DLGAP1: variants seen among roughly 807,000 people sequenced by gnomAD.
DLGAP1 encodes the protein DLG associated protein 1.
In DLGAP1, 11 loss-of-function variants were observed where a neutral mutation model predicts 90.8. That is an observed-to-expected ratio of 0.12 (90% CI 0.08 to 0.20). DLGAP1 has a LOEUF of 0.20. Ranked by LOEUF, DLGAP1 falls within the 10% of genes least tolerant of loss-of-function variation. The pLI is 1.00. For missense variants in DLGAP1, 1,050 were observed against 1,333.8 expected (o/e 0.79, Z 3.31); for synonymous variants, 558 against 540.7 (o/e 1.03, Z -0.44).
intron 3 of DLGAP1, among the ~76,000 whole-genome samples, chr18:3,936,873 T>C (rs2148939693): frequency 6.6e-6 from 1 of 152,034 alleles, no homozygotes; most frequent in Admixed American, 6.5e-5. Context: ...AATCAGGAGG[T>C]TGAAATCCAA....
At chr18:3,594,269 G>C (rs1195480372) in intron 7 of DLGAP1, 1 of 152,138 alleles carries the variant, frequency 6.6e-6, no homozygotes, top group South Asian at 2.1e-4. Flanking sequence ...ACTTATAAAA[G>C]GGCAAGTGGC....
At chr18:4,142,776 A>T (rs558699353) in intron 2 of DLGAP1, among the ~76,000 whole-genome samples, 2 of 152,184 alleles carry the variant, frequency 1.3e-5, no homozygotes, top group African/African-American at 4.8e-5. Flanking sequence ...GAGTATTATG[A>T]TCTAAGTTTT....
At chr18:4,033,577 C>A (rs1269971017) in intron 2 of DLGAP1, among the ~76,000 whole-genome samples, 1 of 152,044 alleles carries the variant, frequency 6.6e-6, no homozygotes, top group Non-Finnish European at 1.5e-5. Context: ...AATGGCTCAC[C>A]ACATTTACAT....
At chr18:3,614,944 T>TG in intron 7 of DLGAP1, among the ~76,000 whole-genome samples, 1 of 152,084 alleles carries the variant, frequency 6.6e-6, no homozygotes, top group East Asian at 1.9e-4. Flanking sequence ...ATTTTTGAGA[T>TG]GGAGTCTCAC....
At chr18:3,857,977 T>G (rs2069754200) in intron 4 of DLGAP1, among the ~76,000 whole-genome samples, 1 of 152,102 alleles carries the variant, frequency 6.6e-6, no homozygotes, top group Admixed American at 6.5e-5. Flanking sequence ...TCAATCCTAT[T>G]CCAAACACAA....
rs1015011908 is a variant in DLGAP1 at position 3,498,989 on chromosome 18, G to A, written c.*196C>T. The stretch of plus-strand genomic sequence containing the variant: ...GCGAAGCTCGGTGAAGAAGGAGATG[G>A]GCAAACGGGTACGGGAAGTGGGGGG... On this transcript the variant is annotated 3_prime_UTR_variant, in exon 13 of 13. Coordinates refer to ENST00000315677, the MANE Select transcript of DLGAP1 (RefSeq NM_004746.4). The A allele has an allele frequency of 5.3e-6, 3 of 568,830 alleles. No individual in the cohort carries two copies. Among genetic ancestry groups the A allele is most frequent in the Non-Finnish European group, 6.1e-6 (2 of 326,424 alleles). The allele number at this position is 568,830 out of a possible 1,614,324, so 35.2% of individuals were successfully genotyped here.
intron 2 of DLGAP1, among the ~76,000 whole-genome samples, chr18:4,058,710 C>T (rs2143241810): frequency 6.6e-6 from 1 of 152,262 alleles, no homozygotes; most frequent in African/African-American, 2.4e-5. Context: ...TTGTTTTCTC[C>T]CACTTCCTCC....
chr18:4,093,795 T>C (rs1010496591), intron 2 of DLGAP1, among the ~76,000 whole-genome samples: 4 of 152,148 alleles, frequency 2.6e-5, no homozygotes, highest in Admixed American at 2.6e-4. Flanking sequence ...TGTTTTTATC[T>C]CTCTTGGTCT....
intron 1 of DLGAP1, among the ~76,000 whole-genome samples, chr18:4,310,299 CATT>C (rs1477995412): frequency 2.0e-5 from 3 of 152,020 alleles, no homozygotes; most frequent in Non-Finnish European, 2.9e-5. Context: ...TTACTGTTAA[CATT>C]AGTCAGCTTG....
At chr18:3,915,725 T>G (rs1013345453) in intron 3 of DLGAP1, among the ~76,000 whole-genome samples, 5 of 152,190 alleles carry the variant, frequency 3.3e-5, no homozygotes, top group East Asian at 3.8e-4. Flanking sequence ...TACATTTGGA[T>G]GCAAAATTTC....
At chr18:3,547,078 G>A (rs1280641636) in intron 9 of DLGAP1, among the ~76,000 whole-genome samples, 1 of 152,002 alleles carries the variant, frequency 6.6e-6, no homozygotes. Flanking sequence ...GTGGCAGGTG[G>A]ATCACGAGGT....
intron 2 of DLGAP1, among the ~76,000 whole-genome samples, chr18:4,078,379 G>A (rs143340628): frequency 5.1e-4 from 78 of 152,200 alleles, no homozygotes; most frequent in Middle Eastern, 3.4e-3. Context: ...AGAAATCACC[G>A]AATAGATGGC....
At chr18:3,979,432 T>C (rs778090889) in intron 3 of DLGAP1, among the ~76,000 whole-genome samples, 23 of 125,494 alleles carry the variant, frequency 1.8e-4, no homozygotes, top group Non-Finnish European at 3.0e-4. Flanking sequence ...CGCCTAATGA[T>C]GCATTTCTCA....
chr18:4,262,109 G>T (rs941165213), intron 1 of DLGAP1, among the ~76,000 whole-genome samples: 8 of 152,108 alleles, frequency 5.3e-5, no homozygotes, highest in African/African-American at 1.9e-4. Flanking sequence ...CATTTCAAAG[G>T]TGAAGGAGAT....
chr18:4,038,215 T>G (rs953342633), intron 2 of DLGAP1, among the ~76,000 whole-genome samples: 1 of 152,210 alleles, frequency 6.6e-6, no homozygotes, highest in Non-Finnish European at 1.5e-5. Flanking sequence ...CAACCAACAT[T>G]AAGTAATGAT....
intron 10 of DLGAP1, among the ~76,000 whole-genome samples, chr18:3,525,645 T>A (rs1161410990): frequency 1.3e-5 from 2 of 152,192 alleles, no homozygotes; most frequent in Non-Finnish European, 2.9e-5. Flanking sequence ...GTGATCTGCC[T>A]GCCTCGGCCT....
intron 7 of DLGAP1, among the ~76,000 whole-genome samples, chr18:3,642,956 G>A (rs1031513481): frequency 1.3e-5 from 2 of 152,170 alleles, no homozygotes; most frequent in African/African-American, 4.8e-5. Context: ...TTTATCTGAA[G>A]ATATGCCTCC....
At chr18:4,107,405 C>G (rs568269996) in intron 2 of DLGAP1, among the ~76,000 whole-genome samples, 23 of 152,302 alleles carry the variant, frequency 1.5e-4, no homozygotes, top group African/African-American at 5.1e-4. Flanking sequence ...AATACCGACC[C>G]TCCTCTAGCT....
intron 8 of DLGAP1, among the ~76,000 whole-genome samples, chr18:3,567,889 G>C (rs2054527520): frequency 6.6e-6 from 1 of 152,028 alleles, no homozygotes; most frequent in African/African-American, 2.4e-5. Flanking sequence ...AATCTACATG[G>C]AAATGTGTTC....
Sources: gnomAD v4.1 joint callset for allele counts (sites outside exome capture counted in the v4.1 genomes callset) on GRCh38, gnomAD v4.1.1 for gene constraint, MANE v1.5 for transcripts, NCBI Gene and HGNC (gene_info 2026-07-23, HGNC 2026-07-21) for gene names.